HDAC9: variants seen among roughly 807,000 people sequenced by gnomAD.
The protein encoded by HDAC9 is histone deacetylase 9, also known as MEF-2 interacting transcription repressor (MITR) protein.
HDAC9 carries 41 observed loss-of-function variants against 139.4 expected under a neutral mutation model. That is an observed-to-expected ratio of 0.29 (90% confidence interval 0.23 to 0.38). The LOEUF (loss-of-function observed/expected upper bound fraction) is 0.38. Among genes scored for constraint, HDAC9 ranks in the 10% least tolerant of loss-of-function variants. HDAC9 has a pLI of 1.00. For synonymous variants in HDAC9, 517 were observed against 476.2 expected (o/e 1.09, Z -1.12); for missense variants, 1,147 against 1,297.0 (o/e 0.88, Z 1.78).
intron 13 of HDAC9, among the ~76,000 whole-genome samples, chr7:18,731,665 G>A (rs972006095): frequency 3.9e-5 from 6 of 152,058 alleles, no homozygotes; most frequent in African/African-American, 1.4e-4. Context: ...TGCTCTTGTT[G>A]CCTAGGCTGG....
rs188775672 is a variant in HDAC9, at chr7:18,722,206, C to G, written c.1732-5374C>G. Among the ~76,000 whole-genome samples, 40 of 152,122 alleles carry G rather than the reference C, an allele frequency of 2.6e-4. No individual in the cohort carries two copies. In the East Asian group the frequency reaches 2.9e-3, roughly 11 times the overall value. On this transcript the variant is annotated intron_variant, in intron 12 of 25. Coordinates refer to ENST00000686413, the MANE Select transcript of HDAC9 (RefSeq NM_178425.4). The stretch of plus-strand genomic sequence containing the variant: ...AAAATAACCCATCAAAACAAAGTCC[C>G]CAGGTGAATCAGCTGAAAAAGAAAG...
intron 17 of HDAC9, among the ~76,000 whole-genome samples, chr7:18,811,785 G>A (rs533879710): frequency 2.0e-5 from 3 of 151,584 alleles, no homozygotes; most frequent in African/African-American, 7.2e-5. Context: ...ATGTTTATAT[G>A]TGTTTGTGTT....
chr7:18,537,336 G>A (rs1354759054), intron 2 of HDAC9, among the ~76,000 whole-genome samples: 1 of 152,106 alleles, frequency 6.6e-6, no homozygotes, highest in Non-Finnish European at 1.5e-5. Flanking sequence ...GAGGAGAAAA[G>A]GTTTGGAAAA....
intron 2 of HDAC9, among the ~76,000 whole-genome samples, chr7:18,560,820 T>G (rs1820344919): frequency 6.6e-6 from 1 of 151,998 alleles, no homozygotes; most frequent in Non-Finnish European, 1.5e-5. Flanking sequence ...AGAGGGAGCA[T>G]TAGCTTGGTA....
intron 6 of HDAC9, among the ~76,000 whole-genome samples, chr7:18,598,912 C>T (rs1489111953): frequency 6.6e-6 from 1 of 152,200 alleles, no homozygotes; most frequent in Non-Finnish European, 1.5e-5. Context: ...CAGCAGGCTG[C>T]ATGCCTATAG....
chr7:18,496,476 A>T, intron 2 of HDAC9, 152 bp downstream of exon 2: 1 of 634,882 alleles, frequency 1.6e-6, no homozygotes, highest in Non-Finnish European at 2.8e-6. Flanking sequence ...TTTAACTTAG[A>T]TCCCTTCCAT....
chr7:18,347,753 A>G (rs759030367), intron 1 of HDAC9, among the ~76,000 whole-genome samples: 2 of 151,800 alleles, frequency 1.3e-5, no homozygotes, highest in Non-Finnish European at 2.9e-5. Context: ...GTATGCCACC[A>G]CGCCCGGCTA....
At chr7:18,893,827 T>C (rs1375635300) in intron 22 of HDAC9, among the ~76,000 whole-genome samples, 1 of 152,120 alleles carries the variant, frequency 6.6e-6, no homozygotes, top group East Asian at 1.9e-4. Flanking sequence ...TTATAAATGA[T>C]GTTTGCCTGA....
At chr7:18,507,297 T>TCTCAGC (rs1800090133) in intron 2 of HDAC9, among the ~76,000 whole-genome samples, 1 of 150,706 alleles carries the variant, frequency 6.6e-6, no homozygotes, top group African/African-American at 2.4e-5. Context: ...TTCACACCAA[T>TCTCAGC]CTCCCACCTC....
At chr7:18,182,009 CAG>C (rs1789477756) in intron 2 of HDAC9, among the ~76,000 whole-genome samples, 1 of 152,090 alleles carries the variant, frequency 6.6e-6, no homozygotes, top group Non-Finnish European at 1.5e-5. Context: ...AAAATTTCAA[CAG>C]GCATTGATTA....
rs183406444 is a variant in HDAC9 at position 18,770,734 on chromosome 7, C to A, written c.2214+3579C>A. On this transcript the variant is annotated intron_variant, in intron 16 of 25. Coordinates refer to ENST00000686413, the MANE Select transcript of HDAC9 (RefSeq NM_178425.4). ...TTCTTTTATGGCTCAGAGGAGGCAA[C>A]TCCAATCACATCACTATTGGCAGGC... Among the ~76,000 whole-genome samples the A allele has an allele frequency of 3.3e-3, 507 of 152,248 alleles. 3 individuals are homozygous for A. The highest frequency in any genetic ancestry group is 0.012 in the African/African-American group (488 of 41,550).
intron 1 of HDAC9, among the ~76,000 whole-genome samples, chr7:18,374,922 C>T (rs967441480): frequency 5.3e-5 from 8 of 152,006 alleles, no homozygotes; most frequent in Non-Finnish European, 1.2e-4. Context: ...GCATTCCTCA[C>T]GTGTTTTTTG....
At chr7:18,867,244 A>G (rs1798564948) in intron 21 of HDAC9, among the ~76,000 whole-genome samples, 1 of 152,162 alleles carries the variant, frequency 6.6e-6, no homozygotes, top group African/African-American at 2.4e-5. Flanking sequence ...TGCCATTGTT[A>G]TTGCTTCAAT....
chr7:18,156,542 T>G (rs1006324966), intron 1 of HDAC9, among the ~76,000 whole-genome samples: 2 of 152,216 alleles, frequency 1.3e-5, no homozygotes, highest in Non-Finnish European at 2.9e-5. Context: ...GGTCAAGTTC[T>G]TACTGCCTGC....
chr7:18,894,745 C>T (rs1801016745), intron 22 of HDAC9, among the ~76,000 whole-genome samples: 1 of 152,058 alleles, frequency 6.6e-6, no homozygotes, highest in African/African-American at 2.4e-5. Flanking sequence ...TGGTCATCTT[C>T]TAGTAGAGAG....
chr7:18,960,009 AACACACACAC>A (rs58030908), intron 24 of HDAC9, among the ~76,000 whole-genome samples: 26 of 149,016 alleles, frequency 1.7e-4, no homozygotes, highest in East Asian at 1.4e-3. Flanking sequence ...TGTTGTTTTA[AACACACACAC>A]ACACACACAC....
At chr7:18,934,035 G>A (rs2129308300) in intron 22 of HDAC9, among the ~76,000 whole-genome samples, 1 of 152,180 alleles carries the variant, frequency 6.6e-6, no homozygotes, top group Middle Eastern at 3.4e-3. Flanking sequence ...TACAGACAAT[G>A]TCCACCTACA....
intron 21 of HDAC9, among the ~76,000 whole-genome samples, chr7:18,867,207 TGGTA>T (rs1374462746): frequency 6.6e-6 from 1 of 152,164 alleles, no homozygotes; most frequent in Non-Finnish European, 1.5e-5. Context: ...GAATAACCAT[TGGTA>T]GGTGAGGACA....
At chr7:18,727,846 A>G in intron 13 of HDAC9, 89 bp downstream of exon 13, 7 of 1,051,052 alleles carry the variant, frequency 6.7e-6, no homozygotes, top group Non-Finnish European at 9.1e-6. Flanking sequence ...GAATAACTCC[A>G]ATAGCAGAAC....
Sources: allele counts gnomAD v4.1 joint callset (sites outside exome capture counted in the v4.1 genomes callset), GRCh38; gene constraint gnomAD v4.1.1; transcripts MANE v1.5; gene names NCBI Gene and HGNC (gene_info 2026-07-23, HGNC 2026-07-21).